LRRC7: variants seen among roughly 807,000 people sequenced by gnomAD.
The protein encoded by LRRC7 is leucine rich repeat containing 7.
A neutral mutation model predicts 175.7 loss-of-function variants in LRRC7; 23 were observed. That is an observed-to-expected ratio of 0.13 (90% CI 0.09 to 0.19). The LOEUF is 0.19. LRRC7 is among the 10% of genes least tolerant of loss of function. The pLI is 1.00. For missense variants in LRRC7, 1,354 were observed against 1,904.7 expected, an observed-to-expected ratio of 0.71 and a Z score of 5.38; for synonymous variants, 685 against 680.9, an observed-to-expected ratio of 1.01 and a Z score of -0.09.
chr1:69,649,070 A>G (rs1460955095), intron 1 of LRRC7, among the ~76,000 whole-genome samples: 2 of 152,186 alleles, frequency 1.3e-5, no homozygotes, highest in East Asian at 3.9e-4. Flanking sequence ...AAGATTTCCC[A>G]TTCTCTAAAA....
intron 1 of LRRC7, among the ~76,000 whole-genome samples, chr1:69,665,839 A>G (rs1041596399): frequency 6.6e-6 from 1 of 151,938 alleles, no homozygotes; most frequent in African/African-American, 2.4e-5. Flanking sequence ...TCATTGCCCT[A>G]TCTAGAAATT....
intron 4 of LRRC7, among the ~76,000 whole-genome samples, chr1:69,807,696 G>C (rs920953421): frequency 2.0e-5 from 3 of 152,192 alleles, no homozygotes; most frequent in Non-Finnish European, 4.4e-5. Context: ...CCCTTTGTGG[G>C]TAACCCGAAC....
intron 1 of LRRC7, among the ~76,000 whole-genome samples, chr1:69,617,222 CA>C (rs1238146045): frequency 1.3e-5 from 2 of 151,986 alleles, no homozygotes; most frequent in Non-Finnish European, 2.9e-5. Flanking sequence ...GGAATATGAG[CA>C]GAAGCAGTTA....
chr1:69,603,948 T>A (rs1004798680), intron 1 of LRRC7, among the ~76,000 whole-genome samples: 6 of 152,100 alleles, frequency 3.9e-5, no homozygotes, highest in Non-Finnish European at 8.8e-5. Context: ...CTATTTTTCA[T>A]TCCCAAAAAA....
At chr1:69,839,137 C>A in intron 7 of LRRC7, 1 of 192,928 alleles carries the variant, frequency 5.2e-6, no homozygotes, top group Non-Finnish European at 1.1e-5. Context: ...AAAATGTAAC[C>A]TTATTTTTTA....
chr1:69,931,728 A>G (rs561412553), intron 8 of LRRC7, among the ~76,000 whole-genome samples, 158 bp downstream of exon 8: 10 of 151,316 alleles, frequency 6.6e-5, no homozygotes, highest in East Asian at 2.0e-4. Context: ...CACTTTTTGG[A>G]AAAAAAAATG....
At chr1:69,877,218 C>T (rs534297682) in intron 7 of LRRC7, among the ~76,000 whole-genome samples, 1 of 152,240 alleles carries the variant, frequency 6.6e-6, no homozygotes, top group Non-Finnish European at 1.5e-5. Flanking sequence ...AGCGGAATGA[C>T]ACGTTAGATT....
intron 2 of LRRC7, among the ~76,000 whole-genome samples, chr1:69,757,252 G>T (rs896727841): frequency 4.6e-5 from 7 of 151,934 alleles, no homozygotes; most frequent in African/African-American, 1.7e-4. Flanking sequence ...GTGCAAGGGG[G>T]ACAGCAATCC....
chr1:69,756,724 C>T (rs1325684710), intron 2 of LRRC7, among the ~76,000 whole-genome samples: 3 of 151,720 alleles, frequency 2.0e-5, no homozygotes, highest in African/African-American at 4.8e-5. Flanking sequence ...AGTGAACAGA[C>T]ATTATGCTCC....
intron 2 of LRRC7, among the ~76,000 whole-genome samples, chr1:69,687,797 T>C (rs571855561): frequency 6.6e-6 from 1 of 152,190 alleles, no homozygotes; most frequent in Non-Finnish European, 1.5e-5. Flanking sequence ...TAACTGAATG[T>C]TACTCTTTCA....
At chr1:70,053,514 T>G (rs1660902202) in intron 23 of LRRC7, among the ~76,000 whole-genome samples, 1 of 152,314 alleles carries the variant, frequency 6.6e-6, no homozygotes, top group South Asian at 2.1e-4. Flanking sequence ...ATTCACTATT[T>G]CTAAAGTTAT....
At chr1:69,761,544 C>T (rs1220420885) in intron 3 of LRRC7, among the ~76,000 whole-genome samples, 2 of 151,948 alleles carry the variant, frequency 1.3e-5, no homozygotes, top group Non-Finnish European at 2.9e-5. Flanking sequence ...TTTTGACAAT[C>T]TGTGTATTGT....
chr1:69,877,239 G>A (rs1449264014), intron 7 of LRRC7, among the ~76,000 whole-genome samples: 1 of 152,148 alleles, frequency 6.6e-6, no homozygotes, highest in Non-Finnish European at 1.5e-5. Context: ...TGTAAGTGAT[G>A]GGATAACATT....
At chr1:69,960,858 A>G (rs1233781175) in intron 8 of LRRC7, among the ~76,000 whole-genome samples, 2 of 152,190 alleles carry the variant, frequency 1.3e-5, no homozygotes, top group Non-Finnish European at 2.9e-5. Context: ...ATATATGGCA[A>G]AACCACAGCC....
chr1:70,055,454 A>T (rs937452414), intron 23 of LRRC7, among the ~76,000 whole-genome samples: 2 of 152,196 alleles, frequency 1.3e-5, no homozygotes, highest in African/African-American at 2.4e-5. Context: ...TTCAGGTGAA[A>T]GTCAATGGAA....
intron 8 of LRRC7, among the ~76,000 whole-genome samples, chr1:69,938,849 AG>A (rs755160839): frequency 6.6e-6 from 1 of 151,626 alleles, no homozygotes; most frequent in African/African-American, 2.4e-5. Flanking sequence ...TTATTCTTCA[AG>A]TTGTACACAC....
At chr1:70,106,676 C>T (rs1317456941) in intron 25 of LRRC7, among the ~76,000 whole-genome samples, 2 of 152,044 alleles carry the variant, frequency 1.3e-5, no homozygotes, top group Non-Finnish European at 2.9e-5. Context: ...TGGCCTGATC[C>T]TCTGCTGCGC....
intron 1 of LRRC7, among the ~76,000 whole-genome samples, chr1:69,608,538 C>G (rs965403161): frequency 5.3e-5 from 8 of 152,002 alleles, no homozygotes; most frequent in Admixed American, 6.6e-5. Context: ...CAGTCAGTGT[C>G]CCATAACACC....
chr1:69,992,813 G>A (rs1570938142), intron 10 of LRRC7, among the ~76,000 whole-genome samples: 7 of 152,088 alleles, frequency 4.6e-5, no homozygotes. Context: ...TTTAGCCTTA[G>A]GCCCCAACCT....
Sources: allele counts gnomAD v4.1 joint callset (sites outside exome capture counted in the v4.1 genomes callset), GRCh38; gene constraint gnomAD v4.1.1; transcripts MANE v1.5; gene names NCBI Gene and HGNC (gene_info 2026-07-23, HGNC 2026-07-21).